Variants in PTGIS observed in about 807,000 individuals in gnomAD.
PTGIS encodes prostaglandin I2 synthase.
Under a neutral mutation model 50.3 loss-of-function variants are expected in PTGIS, and 45 were observed. The ratio of observed to expected loss-of-function variants is 0.90; its 90% CI spans 0.70 to 1.15. The LOEUF (loss-of-function observed/expected upper bound fraction) is 1.15, where lower values mean the gene tolerates loss of function less well. Among genes scored for constraint, PTGIS ranks in the 50% most tolerant of loss-of-function variants. PTGIS has a pLI of 0.00. For synonymous variants in PTGIS, 260 were observed against 267.7 expected, an observed-to-expected ratio of 0.97 and a Z score of 0.28; for missense variants, 668 against 661.3, an observed-to-expected ratio of 1.01 and a Z score of -0.11.
intron 2 of PTGIS, among the ~76,000 whole-genome samples, chr20:49,549,612 T>C (rs957011304): frequency 2.0e-5 from 3 of 152,128 alleles, no homozygotes; most frequent in African/African-American, 7.2e-5. Flanking sequence ...AATTGACAGA[T>C]GTCGGGTGAA....
chr20:49,516,471 C>A (rs1981481104), intron 6 of PTGIS, among the ~76,000 whole-genome samples: 1 of 152,152 alleles, frequency 6.6e-6, no homozygotes, highest in African/African-American at 2.4e-5. Flanking sequence ...GATGAGGTCT[C>A]ACTATGTTTC....
intron 3 of PTGIS, 60 bp from the exon 4 acceptor site, chr20:49,544,508 G>GCA (rs1568681563): frequency 6.3e-7 from 1 of 1,599,054 alleles, no homozygotes. Context: ...ACACCTACAG[G>GCA]CACCTCCCTC....
intron 1 of PTGIS, among the ~76,000 whole-genome samples, chr20:49,566,421 G>A (rs1010566823): frequency 5.9e-5 from 9 of 152,244 alleles, no homozygotes; most frequent in Non-Finnish European, 1.0e-4. Context: ...TTTCTATACA[G>A]TGTATTGAGA....
chr20:49,513,308 C>T, intron 7 of PTGIS, 47 bp from the exon 8 acceptor site: 1 of 1,585,014 alleles, frequency 6.3e-7, no homozygotes, highest in Non-Finnish European at 8.6e-7. Context: ...ATCCCTTCAC[C>T]TGCTCATATG....
chr20:49,539,871 T>A, intron 4 of PTGIS, 150 bp from the exon 5 acceptor site: 1 of 1,086,610 alleles, frequency 9.2e-7, no homozygotes, highest in Admixed American at 2.2e-5. Flanking sequence ...CAGTCGGCAG[T>A]GAAAAAAACA....
chr20:49,522,016 C>G (rs1378337706), intron 6 of PTGIS, among the ~76,000 whole-genome samples: 1 of 152,050 alleles, frequency 6.6e-6, no homozygotes, highest in Non-Finnish European at 1.5e-5. Flanking sequence ...CCCCCAAGAT[C>G]CTGTCCCTCC....
chr20:49,544,183 T>TG, intron 4 of PTGIS, 122 bp downstream of exon 4: 1 of 1,330,456 alleles, frequency 7.5e-7, no homozygotes, highest in East Asian at 2.3e-5. Context: ...GTCTTTGCTT[T>TG]GGGTGTCTCA....
chr20:49,518,987 T>C (rs1158907137), intron 6 of PTGIS, among the ~76,000 whole-genome samples: 1 of 152,046 alleles, frequency 6.6e-6, no homozygotes, highest in South Asian at 2.1e-4. Flanking sequence ...CCAAGCCAGA[T>C]ATCGGGAAGG....
intron 6 of PTGIS, among the ~76,000 whole-genome samples, chr20:49,518,656 C>A (rs200353930): frequency 5.0e-5 from 7 of 141,262 alleles, no homozygotes; most frequent in African/African-American, 7.9e-5. Context: ...CTACTGAAGA[C>A]AAAAAAAAAA....
chr20:49,563,850 C>A (rs1054483412), intron 1 of PTGIS, among the ~76,000 whole-genome samples: 1 of 152,230 alleles, frequency 6.6e-6, no homozygotes, highest in African/African-American at 2.4e-5. Flanking sequence ...GCCTCCCAAC[C>A]AAGAGATCTC....
chr20:49,537,530 A>AG (rs1982110763), intron 5 of PTGIS, among the ~76,000 whole-genome samples: 1 of 151,858 alleles, frequency 6.6e-6, no homozygotes, highest in Non-Finnish European at 1.5e-5. Flanking sequence ...CGAGGCAGGC[A>AG]GATCTCCTGA....
Position 49,539,767 on chromosome 20 carries a change from T to C in PTGIS, c.522-46A>G, listed in dbSNP as rs574396264. The C allele has an allele frequency of 1.3e-5, 21 of 1,589,726 alleles. No individual in the cohort carries two copies. In the South Asian group the frequency reaches 1.4e-4, roughly 10 times the overall value. ...GTCAGGGGTCCTCCTGGGACACTCA[T>C]GTGTGGCCACAGCTACTCACAAGAG... is the stretch of plus-strand genomic sequence containing the variant. On this transcript the variant is annotated intron_variant, in intron 4 of 9. Coordinates refer to ENST00000244043, the MANE Select transcript of PTGIS (RefSeq NM_000961.4).
At chr20:49,524,345 T>C in intron 5 of PTGIS, 106 bp from the exon 6 acceptor site, 3 of 1,300,664 alleles carry the variant, frequency 2.3e-6, no homozygotes, top group Non-Finnish European at 3.2e-6. Context: ...TGAATGTCAC[T>C]CATTGAGGGT....
chr20:49,526,648 C>A (rs182193419), intron 5 of PTGIS, among the ~76,000 whole-genome samples: 1 of 152,016 alleles, frequency 6.6e-6, no homozygotes. Flanking sequence ...AACAAACAAC[C>A]TGATTTGAAA....
rs1193418944 is a variant in PTGIS, at chr20:49,536,475, TTTC to T, written c.673+3092_673+3094del. Among the ~76,000 whole-genome samples the T allele has an allele frequency of 1.1e-3, 153 of 133,452 alleles. 1 individual carries two copies. Among genetic ancestry groups the T allele is most frequent in the African/African-American group, 3.6e-3 (106 of 29,180 alleles). The allele number at this position is 133,452 out of a possible 152,430, so 87.5% of individuals were successfully genotyped here. A position where few individuals can be genotyped will look rare whatever the true frequency, so the allele number is the denominator to read the frequency against. The stretch of plus-strand genomic sequence containing the variant: ...TTTCTTTTCTTTCTTTCTTTCTTTC[TTTC>T]TTTTTTTTTTTTTTTTTTTTGAGAC... On this transcript the variant is annotated intron_variant, in intron 5 of 9. Coordinates refer to ENST00000244043, the MANE Select transcript of PTGIS (RefSeq NM_000961.4).
intron 2 of PTGIS, 107 bp downstream of exon 2, chr20:49,549,958 TG>T: frequency 6.4e-7 from 1 of 1,566,838 alleles, no homozygotes; most frequent in East Asian, 2.2e-5. Context: ...TGTTGGATGG[TG>T]GGGTGGGGGG....
intron 5 of PTGIS, among the ~76,000 whole-genome samples, chr20:49,539,208 C>A (rs1982158737): frequency 6.6e-6 from 1 of 152,146 alleles, no homozygotes; most frequent in Non-Finnish European, 1.5e-5. Flanking sequence ...CTCTTTTATT[C>A]TTCCCTGTAA....
chr20:49,547,936 G>C lies in PTGIS; in HGVS notation c.282C>G (p.Leu94=), dbSNP rs754842795. 11 of 1,614,008 alleles carry C rather than the reference G, an allele frequency of 6.8e-6. No homozygotes were observed. The East Asian group carries it at 2.5e-4, about 36-fold the overall frequency. The part of the protein sequence containing the change: ...DAVVWEPRTR[L]DFHAYAIFLM... ...GGAAGATGGCATAGGCATGGAAGTC[G>C]AGCCTGGTGCGAGGCTCCCACACCA... The change falls in exon 3 of 10, where the codon CTC becomes CTG. Residue 94 remains leucine, a synonymous_variant. Transcript: ENST00000244043.
intron 3 of PTGIS, among the ~76,000 whole-genome samples, chr20:49,546,003 A>G (rs990027982): frequency 1.3e-5 from 2 of 152,182 alleles, no homozygotes; most frequent in African/African-American, 4.8e-5. Context: ...ACATAGTGGG[A>G]AAAACGACAG....
Sources: allele counts gnomAD v4.1 joint callset (sites outside exome capture counted in the v4.1 genomes callset), GRCh38; gene constraint gnomAD v4.1.1; transcripts MANE v1.5; gene names NCBI Gene and HGNC (gene_info 2026-07-23, HGNC 2026-07-21).